Variants in ZC4H2 observed in about 807,000 individuals in gnomAD.
ZC4H2 encodes the protein zinc finger C4H2-type containing.
For synonymous variants in ZC4H2, 84 were observed against 66.3 expected, an observed-to-expected ratio of 1.27 and a Z score of -1.30; for missense variants, 137 against 173.9, an observed-to-expected ratio of 0.79 and a Z score of 1.19.
intron 1 of ZC4H2, among the ~76,000 whole-genome samples, chrX:64,932,456 C>T (rs1929803608): frequency 9.0e-6 from 1 of 110,864 alleles, no homozygotes. Context: ...GTTTTATAGG[C>T]CCTGTGAGAT....
chrX:64,929,761 G>C (rs1929658495), intron 1 of ZC4H2, among the ~76,000 whole-genome samples: 1 of 111,685 alleles, frequency 9.0e-6, no homozygotes, highest in South Asian at 3.7e-4. Flanking sequence ...TGCTGTTTTG[G>C]TAGCTTATAG....
At chrX:64,929,838 C>T (rs774401933) in intron 1 of ZC4H2, among the ~76,000 whole-genome samples, 6 of 111,461 alleles carry the variant, frequency 5.4e-5, no homozygotes, top group South Asian at 3.8e-4. Flanking sequence ...CTTAGTCTTG[C>T]TTTAGCCATG....
chrX:64,955,791 C>A (rs945798949), intron 1 of ZC4H2, among the ~76,000 whole-genome samples: 2 of 112,027 alleles, frequency 1.8e-5, no homozygotes, highest in Non-Finnish European at 3.8e-5. Context: ...GATTTTGCAG[C>A]CAGCCTTATA....
intron 1 of ZC4H2, among the ~76,000 whole-genome samples, chrX:64,931,316 A>G (rs764042426): frequency 2.7e-5 from 3 of 111,328 alleles, no homozygotes; most frequent in Non-Finnish European, 3.8e-5. Context: ...TGTTTCATTT[A>G]TCTTTTGCAT....
intron 1 of ZC4H2, among the ~76,000 whole-genome samples, chrX:65,029,517 G>C (rs1932913733): frequency 9.0e-6 from 1 of 111,622 alleles, no homozygotes; most frequent in Non-Finnish European, 1.9e-5. Context: ...CAGGATCACA[G>C]GAGAGTATGT....
chrX:65,009,140 T>C (rs999240578), intron 1 of ZC4H2, among the ~76,000 whole-genome samples: 2 of 111,597 alleles, frequency 1.8e-5, no homozygotes, highest in African/African-American at 6.5e-5. Context: ...TTTTATAAAG[T>C]AATTAGCAAT....
At chrX:65,032,490 A>T (rs888960547) in intron 1 of ZC4H2, among the ~76,000 whole-genome samples, 1 of 111,724 alleles carries the variant, frequency 9.0e-6, no homozygotes, top group South Asian at 3.8e-4. Context: ...TGAGAACTCT[A>T]TCCAAGCTCA....
At chrX:64,992,315 C>T (rs1932324465) in intron 1 of ZC4H2, among the ~76,000 whole-genome samples, 1 of 111,570 alleles carries the variant, frequency 9.0e-6, no homozygotes, top group South Asian at 3.8e-4. Flanking sequence ...CAATCTCCGA[C>T]AGGCTCAGAT....
At chrX:65,000,697 T>G (rs1932518269) in intron 1 of ZC4H2, among the ~76,000 whole-genome samples, 1 of 112,018 alleles carries the variant, frequency 8.9e-6, no homozygotes, top group Non-Finnish European at 1.9e-5. Context: ...GGGAAAAGGT[T>G]AGACGAATTG....
chrX:64,920,003 C>T (rs762727641), intron 3 of ZC4H2, 78 bp downstream of exon 3: 187 of 1,057,551 alleles, frequency 1.8e-4, no homozygotes, highest in Middle Eastern at 3.7e-4. Flanking sequence ...TATACCTGCC[C>T]GTGTGTGTGT....
upstream of ZC4H2, among the ~76,000 whole-genome samples, chrX:64,977,748 G>A (rs774153208): frequency 9.0e-6 from 1 of 111,578 alleles, no homozygotes; most frequent in Non-Finnish European, 1.9e-5. Context: ...CAATCCACCC[G>A]CCTCAGCCTC....
At chrX:64,946,853 C>T (rs1251399345) in intron 1 of ZC4H2, among the ~76,000 whole-genome samples, 4 of 111,107 alleles carry the variant, frequency 3.6e-5, no homozygotes, top group Non-Finnish European at 5.7e-5. Flanking sequence ...GATTTCTGTT[C>T]TTACCTTTAT....
rs1233343267 is a variant in ZC4H2, at chrX:64,924,812, G to A, written c.54-2824C>T. ...GTGGCTGGAGCACCTACTGCAAGAGGGAGAGGGGCCTAGATAAAACTAGGG... is the reference window on the plus strand; with the variant it reads ...GTGGCTGGAGCACCTACTGCAAGAGAGAGAGGGGCCTAGATAAAACTAGGG... On this transcript the variant is annotated intron_variant, in intron 1 of 4. Transcript: ENST00000374839. 2.7e-5 allele frequency among the ~76,000 whole-genome samples: 3 copies of A among 111,094 alleles called. No homozygotes were observed. The Admixed American group carries it at 2.9e-4, about 11-fold the overall frequency.
chrX:64,998,589 T>A (rs1932464317), intron 1 of ZC4H2, among the ~76,000 whole-genome samples: 1 of 111,707 alleles, frequency 9.0e-6, no homozygotes, highest in African/African-American at 3.2e-5. Context: ...AAAATGTGTG[T>A]GCTATTGTTG....
chrX:64,919,329 TC>T, intron 3 of ZC4H2, 125 bp from the exon 4 acceptor site: 1 of 742,800 alleles, frequency 1.3e-6, no homozygotes, highest in Non-Finnish European at 2.0e-6. Context: ...CCCCACACCT[TC>T]CCAAGCACAA....
chrX:65,000,175 A>T (rs955687101), intron 1 of ZC4H2, among the ~76,000 whole-genome samples: 5 of 111,780 alleles, frequency 4.5e-5, no homozygotes, highest in African/African-American at 1.6e-4. Flanking sequence ...GCGCCAACAG[A>T]CACCTCATAA....
At chrX:64,962,669 T>C (rs1209808454) in intron 1 of ZC4H2, among the ~76,000 whole-genome samples, 1 of 111,923 alleles carries the variant, frequency 8.9e-6, no homozygotes, top group Non-Finnish European at 1.9e-5. Flanking sequence ...AAAAGATTGT[T>C]AGAATTAATA....
chrX:64,927,807 T>A (rs1273741154), intron 1 of ZC4H2, among the ~76,000 whole-genome samples: 4 of 112,505 alleles, frequency 3.6e-5, no homozygotes, highest in Admixed American at 9.4e-5. Flanking sequence ...ACAGACTTTT[T>A]AATGATCACC....
chrX:64,997,744 A>G (rs748051734), intron 1 of ZC4H2, among the ~76,000 whole-genome samples: 1 of 111,347 alleles, frequency 9.0e-6, no homozygotes, highest in African/African-American at 3.3e-5. Context: ...AGTAGCTGGG[A>G]CTACAGGCAT....
Sources: gnomAD v4.1 joint callset for allele counts (sites outside exome capture counted in the v4.1 genomes callset) on GRCh38, gnomAD v4.1.1 for gene constraint, MANE v1.5 for transcripts, NCBI Gene and HGNC (gene_info 2026-07-23, HGNC 2026-07-21) for gene names.